The following SCRG1 variants were observed in gnomAD, a reference collection of about 807,000 sequenced individuals.
SCRG1 encodes scrapie-responsive protein 1.
A neutral mutation model predicts 7.7 loss-of-function variants in SCRG1; 3 were observed. The observed-to-expected ratio is 0.39, with a 90% CI of 0.18 to 1.01. The LOEUF (loss-of-function observed/expected upper bound fraction) is 1.01. Among genes scored for constraint, SCRG1 ranks in the 50% least tolerant of loss-of-function variants. The pLI is 0.36. For synonymous variants in SCRG1, 46 were observed against 41.2 expected (o/e 1.12, Z -0.44); for missense variants, 110 against 117.2 (o/e 0.94, Z 0.28).
the SCRG1 span, among the ~76,000 whole-genome samples, chr4:173,434,239 C>T: frequency 6.6e-6 from 1 of 152,248 alleles, no homozygotes; most frequent in Non-Finnish European, 1.5e-5. Flanking sequence ...AGAGGAATTT[C>T]ATTTCAAAAA....
At chr4:173,462,944 A>G in the SCRG1 span, among the ~76,000 whole-genome samples, 1 of 152,188 alleles carries the variant, frequency 6.6e-6, no homozygotes, top group African/African-American at 2.4e-5. Context: ...AAACCAAAAA[A>G]CATACAACGG....
the SCRG1 span, among the ~76,000 whole-genome samples, chr4:173,448,299 T>G: frequency 1.3e-5 from 2 of 152,256 alleles, no homozygotes; most frequent in Non-Finnish European, 1.5e-5. Flanking sequence ...GCCATGCTCT[T>G]GAGCATCTTT....
At chr4:173,403,260 C>CT (rs1739808665), upstream of SCRG1, 1 of 152,128 alleles carries the variant, frequency 6.6e-6, no homozygotes, top group African/African-American at 2.4e-5. Flanking sequence ...GCCACCTCCC[C>CT]TGCAGGGAGA....
the SCRG1 span, among the ~76,000 whole-genome samples, chr4:173,488,858 T>C: frequency 6.6e-6 from 1 of 152,214 alleles, no homozygotes; most frequent in Non-Finnish European, 1.5e-5. Flanking sequence ...GCCTTGGTCC[T>C]TACTCCAACT....
the SCRG1 span, among the ~76,000 whole-genome samples, chr4:173,483,054 T>C: frequency 9.4e-6 from 1 of 106,842 alleles, no homozygotes; most frequent in Non-Finnish European, 1.8e-5. Context: ...ATTTTATATA[T>C]AATATATTTC....
chr4:173,418,032 C>G, the SCRG1 span, among the ~76,000 whole-genome samples: 1 of 152,180 alleles, frequency 6.6e-6, no homozygotes, highest in East Asian at 1.9e-4. Flanking sequence ...AGCTATAACT[C>G]TGATGGGCTC....
the SCRG1 span, among the ~76,000 whole-genome samples, chr4:173,509,806 C>T: frequency 6.6e-6 from 1 of 152,164 alleles, no homozygotes; most frequent in East Asian, 1.9e-4. The surrounding 1 kb of genome is among the most constrained non-coding windows in gnomAD (Gnocchi z 5.7). Context: ...GAGAGGAAAC[C>T]GACTCTTTTG....
the SCRG1 span, among the ~76,000 whole-genome samples, chr4:173,482,786 C>G: frequency 6.7e-6 from 1 of 150,308 alleles, no homozygotes; most frequent in Non-Finnish European, 1.5e-5. Context: ...CCACTGGACT[C>G]CAGCCTGGGT....
At chr4:173,483,451 A>ATGATATATATTATATACTATATTC in the SCRG1 span, among the ~76,000 whole-genome samples, 7 of 69,460 alleles carry the variant, frequency 1.0e-4, no homozygotes, top group African/African-American at 5.3e-4. Flanking sequence ...ATATTATATC[A>ATGATATATATTATATACTATATTC]TGATATATAT....
the SCRG1 span, among the ~76,000 whole-genome samples, chr4:173,470,328 T>C: frequency 1.3e-5 from 2 of 152,136 alleles, no homozygotes; most frequent in African/African-American, 4.8e-5. Context: ...ATGCAGGTCA[T>C]ATGAGAGATG....
At chr4:173,456,889 C>A in the SCRG1 span, among the ~76,000 whole-genome samples, 7 of 152,216 alleles carry the variant, frequency 4.6e-5, no homozygotes, top group African/African-American at 1.7e-4. Flanking sequence ...ATGAGAGGAG[C>A]AGGTATCAGG....
At chr4:173,415,386 T>A in the SCRG1 span, among the ~76,000 whole-genome samples, 2 of 152,206 alleles carry the variant, frequency 1.3e-5, no homozygotes, top group African/African-American at 4.8e-5. Flanking sequence ...GACCAGTGAA[T>A]ATCCTAAGTC....
the SCRG1 span, among the ~76,000 whole-genome samples, chr4:173,450,864 C>G: frequency 9.8e-6 from 1 of 101,742 alleles, no homozygotes; most frequent in Non-Finnish European, 2.7e-5. Context: ...CACTGGGCCT[C>G]CCCAGAGGGG....
the SCRG1 span, among the ~76,000 whole-genome samples, chr4:173,459,025 T>G: frequency 2.0e-5 from 3 of 152,192 alleles, no homozygotes; most frequent in Non-Finnish European, 4.4e-5. Context: ...AGTTACTATG[T>G]AATGATAAAA....
chr4:173,431,452 G>A, the SCRG1 span, among the ~76,000 whole-genome samples: 3 of 152,156 alleles, frequency 2.0e-5, no homozygotes, highest in Non-Finnish European at 4.4e-5. Flanking sequence ...TGGAAGATGT[G>A]GTGTGTACTC....
the SCRG1 span, among the ~76,000 whole-genome samples, chr4:173,485,166 T>TATATA: frequency 0.27 from 11,326 of 42,328 alleles, 4,699 homozygotes; most frequent in Non-Finnish European, 0.39. Context: ...TAATATATTA[T>TATATA]ATATATTATA....
At chr4:173,465,180 C>T in the SCRG1 span, among the ~76,000 whole-genome samples, 1 of 152,012 alleles carries the variant, frequency 6.6e-6, no homozygotes, top group Non-Finnish European at 1.5e-5. Context: ...GATGGTTGTA[C>T]AACAATATGA....
intron 1 of SCRG1, chr4:173,404,557 A>T (rs528975853): frequency 6.6e-6 from 1 of 152,366 alleles, no homozygotes; most frequent in South Asian, 2.1e-4. Flanking sequence ...GAATGAGTTA[A>T]TGAATAAATG....
the SCRG1 span, among the ~76,000 whole-genome samples, chr4:173,510,468 CT>C: frequency 6.6e-6 from 1 of 151,886 alleles, no homozygotes; most frequent in African/African-American, 2.4e-5. The surrounding 1 kb of genome is among the most constrained non-coding windows in gnomAD (Gnocchi z 5.7). Flanking sequence ...AACAGAGCCA[CT>C]TTGGTGCCTA....
Sources: gnomAD v4.1 joint callset for allele counts (sites outside exome capture counted in the v4.1 genomes callset) on GRCh38, gnomAD v4.1.1 for gene constraint, Gnocchi (gnomAD v3.1) non-coding constraint, MANE v1.5 for transcripts, NCBI Gene and HGNC (gene_info 2026-07-23, HGNC 2026-07-21) for gene names.